The following NR3C2 variants were observed in gnomAD, a reference collection of about 807,000 sequenced individuals.
NR3C2 encodes nuclear receptor subfamily 3 group C member 2, also known as mineralocorticoid receptor.
Under a neutral mutation model 86.4 loss-of-function variants are expected in NR3C2, and 15 were observed. The ratio of observed to expected loss-of-function variants is 0.17; its 90% CI spans 0.12 to 0.27. The LOEUF (loss-of-function observed/expected upper bound fraction) is 0.27, where lower values mean the gene tolerates loss of function less well. NR3C2 is among the 10% of genes least tolerant of loss of function. The pLI, the probability that NR3C2 is intolerant of heterozygous loss-of-function variation, is 1.00. For missense variants in NR3C2, 960 were observed against 1,195.6 expected (o/e 0.80, Z 2.91); for synonymous variants, 458 against 450.5 (o/e 1.02, Z -0.21).
At chr4:148,399,493 G>A (rs924649015) in intron 2 of NR3C2, among the ~76,000 whole-genome samples, 1 of 151,204 alleles carries the variant, frequency 6.6e-6, no homozygotes, top group Non-Finnish European at 1.5e-5. Context: ...CTTCATTATG[G>A]CAAACTTTTA....
intron 8 of NR3C2, among the ~76,000 whole-genome samples, chr4:148,107,339 G>A (rs1214622416): frequency 6.6e-6 from 1 of 152,124 alleles, no homozygotes; most frequent in Non-Finnish European, 1.5e-5. Context: ...TAAAAAGTCA[G>A]GAAACAATAA....
At chr4:148,330,609 T>A (rs1449889833) in intron 2 of NR3C2, among the ~76,000 whole-genome samples, 1 of 152,240 alleles carries the variant, frequency 6.6e-6, no homozygotes, top group Non-Finnish European at 1.5e-5. Flanking sequence ...CCTGTAGGCC[T>A]ATGTTTCGCA....
At chr4:148,129,780 G>A (rs1732930982) in intron 6 of NR3C2, among the ~76,000 whole-genome samples, 1 of 152,088 alleles carries the variant, frequency 6.6e-6, no homozygotes, top group Non-Finnish European at 1.5e-5. Flanking sequence ...ACTTTTAGTA[G>A]AGATGGGGTT....
chr4:148,233,425 C>T (rs1738566944), intron 3 of NR3C2, among the ~76,000 whole-genome samples: 1 of 148,406 alleles, frequency 6.7e-6, no homozygotes. Context: ...AGTGACACAA[C>T]CACAGTTCAC....
intron 6 of NR3C2, 175 bp downstream of exon 6, chr4:148,152,294 A>G (rs1479758430): frequency 1.0e-4 from 65 of 621,282 alleles, no homozygotes; most frequent in Non-Finnish European, 8.5e-6. Context: ...CATACAGTAT[A>G]ATGTTGCAAA....
intron 2 of NR3C2, among the ~76,000 whole-genome samples, chr4:148,428,902 T>C (rs1054137196): frequency 1.3e-5 from 2 of 152,180 alleles, no homozygotes; most frequent in Non-Finnish European, 2.9e-5. Flanking sequence ...CCATAACAAC[T>C]CACTACCTAC....
intron 6 of NR3C2, among the ~76,000 whole-genome samples, chr4:148,123,764 T>C (rs899213631): frequency 1.1e-4 from 17 of 152,342 alleles, no homozygotes; most frequent in Non-Finnish European, 2.5e-4. Flanking sequence ...ATACATGCTG[T>C]TTTTACACCT....
At chr4:148,124,548 T>C (rs1192522750) in intron 6 of NR3C2, among the ~76,000 whole-genome samples, 1 of 152,234 alleles carries the variant, frequency 6.6e-6, no homozygotes, top group Non-Finnish European at 1.5e-5. Flanking sequence ...AGTTTCATTA[T>C]GATGTACTGA....
At chr4:148,283,817 C>T (rs4087964) in intron 2 of NR3C2, among the ~76,000 whole-genome samples, 149,128 of 152,356 alleles carry the variant, frequency 0.98, 73,053 homozygotes, top group East Asian at 1. Context: ...TTTGATTTCA[C>T]CAGTTTCTGG....
chr4:148,410,111 T>C (rs72658639), intron 2 of NR3C2, among the ~76,000 whole-genome samples: 12 of 152,304 alleles, frequency 7.9e-5, no homozygotes, highest in African/African-American at 2.9e-4. Context: ...TATTTTTCAA[T>C]GTTTGAATTG....
intron 2 of NR3C2, among the ~76,000 whole-genome samples, chr4:148,388,408 T>A (rs1301504164): frequency 6.6e-6 from 1 of 152,174 alleles, no homozygotes; most frequent in African/African-American, 2.4e-5. Flanking sequence ...TCAAAAAGTT[T>A]TGGATTTTGG....
intron 3 of NR3C2, among the ~76,000 whole-genome samples, chr4:148,237,828 G>C (rs1169072958): frequency 1.3e-5 from 2 of 152,036 alleles, no homozygotes; most frequent in African/African-American, 2.4e-5. Flanking sequence ...AACCATTTCT[G>C]AATGAACTTC....
intron 4 of NR3C2, among the ~76,000 whole-genome samples, chr4:148,159,936 G>T (rs1734580102): frequency 1.3e-5 from 2 of 152,264 alleles, no homozygotes; most frequent in Non-Finnish European, 1.5e-5. Flanking sequence ...GTTCCCAGGT[G>T]GCCAGACCCA....
At chr4:148,234,951 C>T (rs1194581086) in intron 3 of NR3C2, among the ~76,000 whole-genome samples, 2 of 152,072 alleles carry the variant, frequency 1.3e-5, no homozygotes, top group Admixed American at 6.6e-5. Flanking sequence ...AACTGCTAAA[C>T]ATGAAAATAT....
intron 6 of NR3C2, among the ~76,000 whole-genome samples, chr4:148,133,371 C>T (rs79808972): frequency 0.021 from 3,226 of 152,154 alleles, 47 homozygotes; most frequent in Middle Eastern, 0.048. Flanking sequence ...TTGCTTCATA[C>T]AGGGACATTT....
chr4:148,266,009 C>A, intron 2 of NR3C2, among the ~76,000 whole-genome samples: 1 of 150,792 alleles, frequency 6.6e-6, no homozygotes, highest in East Asian at 1.9e-4. Flanking sequence ...AAATGACAGA[C>A]ACTGAGATTG....
chr4:148,381,037 G>A (rs1310849414), intron 2 of NR3C2, among the ~76,000 whole-genome samples: 2 of 152,052 alleles, frequency 1.3e-5, no homozygotes, highest in Non-Finnish European at 2.9e-5. Flanking sequence ...GACCAGCCTG[G>A]CTAACACAGC....
At chr4:148,153,185 T>TTTTA in intron 5 of NR3C2, among the ~76,000 whole-genome samples, 1 of 151,818 alleles carries the variant, frequency 6.6e-6, no homozygotes, top group Non-Finnish European at 1.5e-5. Flanking sequence ...TTGTTCTTTA[T>TTTTA]TTTATTTATT....
At chr4:148,343,106 T>C (rs555235802) in intron 2 of NR3C2, among the ~76,000 whole-genome samples, 1 of 152,244 alleles carries the variant, frequency 6.6e-6, no homozygotes, top group South Asian at 2.1e-4. Context: ...TGGCATCTTT[T>C]CCCTAATCAA....
Sources: allele counts gnomAD v4.1 joint callset (sites outside exome capture counted in the v4.1 genomes callset), GRCh38; gene constraint gnomAD v4.1.1; transcripts MANE v1.5; gene names NCBI Gene and HGNC (gene_info 2026-07-23, HGNC 2026-07-21).